The following CCDC171 variants were observed in gnomAD, a reference collection of about 807,000 sequenced individuals.
CCDC171 encodes coiled-coil domain containing 171.
CCDC171 carries 177 observed loss-of-function variants against 168.2 expected under a neutral mutation model. The observed-to-expected ratio is 1.05, with a 90% CI of 0.93 to 1.19. CCDC171 has a LOEUF of 1.19. Among genes scored for constraint, CCDC171 ranks in the 50% most tolerant of loss-of-function variants. The pLI, the probability that CCDC171 is intolerant of heterozygous loss-of-function variation, is 0.00. For missense variants in CCDC171, 1,991 were observed against 1,539.0 expected (o/e 1.29, Z -4.91); for synonymous variants, 687 against 540.8 (o/e 1.27, Z -3.75).
chr9:15,832,808 A>AT (rs2060287808), intron 21 of CCDC171, among the ~76,000 whole-genome samples: 1 of 152,074 alleles, frequency 6.6e-6, no homozygotes, highest in Non-Finnish European at 1.5e-5. Flanking sequence ...GTACAAAAAT[A>AT]TTTTCTTTAT....
chr9:15,975,355 T>G (rs1030366665), downstream of CCDC171, among the ~76,000 whole-genome samples: 2 of 152,138 alleles, frequency 1.3e-5, no homozygotes, highest in African/African-American at 2.4e-5. Flanking sequence ...CCAGAAATAA[T>G]TAACACTTTT....
chr9:16,050,288 A>C (rs1320797029), intron 1 of CCDC171, among the ~76,000 whole-genome samples: 1 of 152,242 alleles, frequency 6.6e-6, no homozygotes, highest in Non-Finnish European at 1.5e-5. Context: ...TTTAAAGGCT[A>C]ATTATTACTG....
rs769607403 is a variant in CCDC171 at position 15,721,868 on chromosome 9, C to G, written c.1418C>G (p.Ser473Cys). The change falls in exon 12 of 26, where the codon TCT becomes TGT. Residue 473 changes from serine to cysteine, a missense_variant. Physicochemically the swap from Ser to Cys is moderately radical, Grantham distance 112 (BLOSUM62 -1). Transcript: ENST00000380701. ...TDYQNKLEDA[S>C]NEEKACNELD... The stretch of plus-strand genomic sequence containing the variant: ...TACCAGAACAAGCTGGAAGATGCAT[C>G]TAATGAGGTAACACTTGCACTGTTT... 2 of 1,538,086 alleles carry G rather than the reference C, an allele frequency of 1.3e-6. No individual in the cohort carries two copies. The highest frequency in any genetic ancestry group is 1.4e-5 in the African/African-American group (1 of 71,676).
chr9:15,833,100 G>A (rs1335043729), intron 21 of CCDC171, among the ~76,000 whole-genome samples: 2 of 148,032 alleles, frequency 1.4e-5, no homozygotes, highest in East Asian at 2.0e-4. Flanking sequence ...TGATTCTCCT[G>A]CCTCAGCCTC....
At chr9:15,920,769 A>G (rs1825209318) in intron 25 of CCDC171, among the ~76,000 whole-genome samples, 1 of 151,734 alleles carries the variant, frequency 6.6e-6, no homozygotes, top group Non-Finnish European at 1.5e-5. Flanking sequence ...ACAGAATATT[A>G]TTAATTATGC....
intron 21 of CCDC171, among the ~76,000 whole-genome samples, chr9:15,846,285 C>T (rs2060890405): frequency 6.6e-6 from 1 of 152,036 alleles, no homozygotes; most frequent in Non-Finnish European, 1.5e-5. Context: ...TTTTCTCAAT[C>T]ACATGCATAG....
chr9:16,061,097 G>A (rs1335745670), exon 2 of CCDC171: 4 of 152,232 alleles, frequency 2.6e-5, no homozygotes, highest in Non-Finnish European at 5.9e-5. Context: ...TGGACTATGA[G>A]ATGGGAGCCT....
chr9:16,041,037 ACT>A (rs138318284), upstream of CCDC171, among the ~76,000 whole-genome samples: 6,680 of 152,228 alleles, frequency 0.044, 497 homozygotes, highest in African/African-American at 0.15. Flanking sequence ...TGTGTAGCTA[ACT>A]CTAGGGTATA....
At chr9:16,050,934 A>G (rs1467463383) in intron 1 of CCDC171, among the ~76,000 whole-genome samples, 1 of 152,230 alleles carries the variant, frequency 6.6e-6, no homozygotes, top group Admixed American at 6.5e-5. Flanking sequence ...GCACTTTTAT[A>G]CATGTCACTT....
chr9:15,643,954 A>G (rs1174333487), intron 7 of CCDC171, among the ~76,000 whole-genome samples: 6 of 152,208 alleles, frequency 3.9e-5, no homozygotes, highest in Non-Finnish European at 7.3e-5. Flanking sequence ...TGGATTCACA[A>G]CATCTTGTTT....
Position 15,846,703 on chromosome 9 carries a change from G to C in CCDC171, c.3269G>C (p.Ser1090Thr). Residue 1090 changes from serine (S) to threonine (T), a missense_variant and splice_region_variant, in exon 22 of 26, where the codon AGT becomes ACT. Physicochemically the swap from Ser to Thr is moderately conservative, Grantham distance 58. Transcript: ENST00000380701. ...KNQTLGEAVKSLSEAKMELRR... is the reference protein window; with the variant it reads ...KNQTLGEAVKTLSEAKMELRR... ...ACTCTGTTTTCTGTCTGCTTGCAGA[G>C]TCTCTCCGAGGCAAAGATGGAGCTG... 1 of 1,612,590 alleles carries C rather than the reference G, an allele frequency of 6.2e-7. No individual in the cohort carries two copies. Among genetic ancestry groups the C allele is most frequent in the Non-Finnish European group, 8.5e-7 (1 of 1,179,164 alleles).
chr9:15,986,039 G>A (rs767217342), intron 3 of CCDC171, among the ~76,000 whole-genome samples: 11 of 152,276 alleles, frequency 7.2e-5, no homozygotes, highest in African/African-American at 1.2e-4. Flanking sequence ...GCATAACTTC[G>A]TAAAAGAATG....
chr9:15,696,958 G>A (rs2051265218), intron 11 of CCDC171, among the ~76,000 whole-genome samples: 1 of 152,142 alleles, frequency 6.6e-6, no homozygotes, highest in Non-Finnish European at 1.5e-5. Context: ...GTGGTAACAT[G>A]TTTCCATTTT....
intron 3 of CCDC171, among the ~76,000 whole-genome samples, chr9:16,004,757 C>T (rs1217120222): frequency 6.6e-6 from 1 of 152,118 alleles, no homozygotes; most frequent in African/African-American, 2.4e-5. Flanking sequence ...AGCAAAGGGT[C>T]TAAGTACTAG....
intron 11 of CCDC171, among the ~76,000 whole-genome samples, chr9:15,698,050 T>C (rs955118276): frequency 2.5e-5 from 3 of 118,324 alleles, no homozygotes; most frequent in Non-Finnish European, 4.0e-5. Flanking sequence ...TAAAACGTAT[T>C]GTTGTTAACT....
At chr9:15,700,357 G>A (rs1228860752) in intron 11 of CCDC171, among the ~76,000 whole-genome samples, 2 of 152,212 alleles carry the variant, frequency 1.3e-5, no homozygotes, top group Non-Finnish European at 2.9e-5. Context: ...CCAAGCCCAC[G>A]CCCACCCGGA....
intron 24 of CCDC171, among the ~76,000 whole-genome samples, chr9:15,892,441 C>G (rs1400806512): frequency 6.6e-6 from 1 of 152,110 alleles, no homozygotes; most frequent in Non-Finnish European, 1.5e-5. Context: ...AAGGCCTTTT[C>G]TGCATCTATT....
intron 6 of CCDC171, among the ~76,000 whole-genome samples, chr9:15,596,133 G>A (rs200834635): frequency 2.8e-4 from 43 of 152,092 alleles, no homozygotes; most frequent in Non-Finnish European, 4.6e-4. Flanking sequence ...TGCTGTGTAG[G>A]AGCTCTTTAG....
At chr9:16,079,173 CAT>C in the CCDC171 span, among the ~76,000 whole-genome samples, 1 of 152,214 alleles carries the variant, frequency 6.6e-6, no homozygotes, top group Non-Finnish European at 1.5e-5. Flanking sequence ...CAGCTGGCTG[CAT>C]TGTAGGACTA....
Sources: allele counts gnomAD v4.1 joint callset (sites outside exome capture counted in the v4.1 genomes callset), GRCh38; gene constraint gnomAD v4.1.1; transcripts MANE v1.5; gene names NCBI Gene and HGNC (gene_info 2026-07-23, HGNC 2026-07-21).